The following ZNF516 variants were observed in gnomAD, a reference collection of about 807,000 sequenced individuals.
The protein encoded by ZNF516 is zinc finger protein 516.
In ZNF516, 19 loss-of-function variants were observed where a neutral mutation model predicts 79.7. The observed-to-expected ratio is 0.24, with a 90% CI of 0.17 to 0.35. The LOEUF is 0.35. Among genes scored for constraint, ZNF516 ranks in the 10% least tolerant of loss-of-function variants. The pLI is 1.00. For missense variants in ZNF516, 1,678 were observed against 1,679.5 expected, an observed-to-expected ratio of 1.00 and a Z score of 0.02; for synonymous variants, 877 against 739.5, an observed-to-expected ratio of 1.19 and a Z score of -3.02.
At chr18:76,437,289 G>A (rs1287038829) in intron 3 of ZNF516, among the ~76,000 whole-genome samples, 1 of 152,134 alleles carries the variant, frequency 6.6e-6, no homozygotes, top group African/African-American at 2.4e-5. Flanking sequence ...TACAGCAAAA[G>A]CCTCAGTGCG....
intron 1 of ZNF516, among the ~76,000 whole-genome samples, chr18:76,483,708 C>T (rs1914663344): frequency 6.6e-6 from 1 of 152,172 alleles, no homozygotes; most frequent in South Asian, 2.1e-4. Flanking sequence ...CTATATCCCA[C>T]GTTGGTCACT....
chr18:76,412,598 T>C (rs1400174924), intron 3 of ZNF516, among the ~76,000 whole-genome samples: 1 of 152,118 alleles, frequency 6.6e-6, no homozygotes, highest in Non-Finnish European at 1.5e-5. Flanking sequence ...TGCAATGCAC[T>C]GGGTAATAGA....
At chr18:76,419,851 G>A (rs2075482838) in intron 3 of ZNF516, among the ~76,000 whole-genome samples, 1 of 152,170 alleles carries the variant, frequency 6.6e-6, no homozygotes, top group South Asian at 2.1e-4. Flanking sequence ...ACTAATACAA[G>A]TTCATGAGAA....
At position 76,379,963 on chromosome 18, in the gene ZNF516, T is replaced by C. The variant is rs2074862933; in HGVS notation, c.2151A>G (p.Glu717=). The C allele has an allele frequency of 1.2e-6, 2 of 1,613,956 alleles. No individual in the cohort carries two copies. The highest frequency in any genetic ancestry group is 1.7e-6 in the Non-Finnish European group (2 of 1,179,870). The change falls in exon 4 of 7, where the codon GAA becomes GAG. Residue 717 remains glutamate, a synonymous_variant. Transcript: ENST00000443185. ...AEKLSDLHNK[E]HSGGGKRALA... ...GCGCCCGCTTCCCTCCCCCAGAGTG[T>C]TCCTTGTTGTGCAAATCGGACAGCT...
At chr18:76,450,322 T>G (rs1311114610) in intron 2 of ZNF516, among the ~76,000 whole-genome samples, 1 of 151,962 alleles carries the variant, frequency 6.6e-6, no homozygotes, top group East Asian at 1.9e-4. Context: ...GGTAGGCCTC[T>G]TCCCCTATCT....
chr18:76,461,741 C>T (rs1913122896), intron 2 of ZNF516, among the ~76,000 whole-genome samples: 1 of 152,312 alleles, frequency 6.6e-6, no homozygotes, highest in Non-Finnish European at 1.5e-5. Flanking sequence ...TCAGCAGTAC[C>T]GAAAATATGC....
chr18:76,371,859 G>A (rs879198877), intron 4 of ZNF516, among the ~76,000 whole-genome samples: 4 of 152,200 alleles, frequency 2.6e-5, no homozygotes, highest in East Asian at 1.9e-4. Context: ...GTGCAGCTCC[G>A]AGCAACTGCA....
rs377748478 is a variant in ZNF516 at position 76,467,576 on chromosome 18, G to A, written c.-271-4435C>T. On this transcript the variant is annotated intron_variant, in intron 1 of 6. Coordinates refer to ENST00000443185, the MANE Select transcript of ZNF516 (RefSeq NM_014643.4). The surrounding 1 kb of genome is among the most constrained non-coding windows in gnomAD (Gnocchi z 4.2). Reference sequence around the variant, plus strand: ...TCAGTCAAGGAGGGGACAAGGCTTCGGAGGCTGGTGGTGGGGAGGTCCAAA... The same window carrying A: ...TCAGTCAAGGAGGGGACAAGGCTTCAGAGGCTGGTGGTGGGGAGGTCCAAA... 1.2e-4 allele frequency among the ~76,000 whole-genome samples: 19 copies of A among 152,238 alleles called. No individual in the cohort carries two copies. In the East Asian group the frequency reaches 1.7e-3, roughly 14 times the overall value.
intron 3 of ZNF516, among the ~76,000 whole-genome samples, chr18:76,407,638 TC>T (rs888678878): frequency 6.6e-6 from 1 of 152,074 alleles, no homozygotes; most frequent in African/African-American, 2.4e-5. Context: ...CACTGCCATT[TC>T]CCCCTTAACT....
At chr18:76,478,094 G>A (rs1455386224) in intron 1 of ZNF516, among the ~76,000 whole-genome samples, 1 of 152,148 alleles carries the variant, frequency 6.6e-6, no homozygotes, top group African/African-American at 2.4e-5. Context: ...AACTCTGGTG[G>A]AGAGCAGAAA....
chr18:76,405,808 C>A (rs2075296998), intron 3 of ZNF516, among the ~76,000 whole-genome samples: 1 of 152,044 alleles, frequency 6.6e-6, no homozygotes, highest in Non-Finnish European at 1.5e-5. Context: ...ATGACGGCTG[C>A]CCCTCCCCAT....
intron 3 of ZNF516, among the ~76,000 whole-genome samples, chr18:76,421,525 C>A (rs1409885220): frequency 6.6e-6 from 1 of 152,178 alleles, no homozygotes; most frequent in African/African-American, 2.4e-5. Flanking sequence ...AAGCTGCCAC[C>A]GGGTCCCTCC....
intron 1 of ZNF516, among the ~76,000 whole-genome samples, chr18:76,487,518 G>A (rs192406012): frequency 4.0e-4 from 61 of 152,254 alleles, no homozygotes; most frequent in Non-Finnish European, 7.8e-4. Context: ...AAGAACAGGA[G>A]ACATTCTAAA....
At chr18:76,384,611 C>T (rs1041390861) in intron 3 of ZNF516, among the ~76,000 whole-genome samples, 1 of 149,412 alleles carries the variant, frequency 6.7e-6, no homozygotes, top group Non-Finnish European at 1.5e-5. Context: ...TCCCCCACCC[C>T]CCCTACAGTT....
chr18:76,495,874 T>C (rs893747445), upstream of ZNF516: 14 of 496,936 alleles, frequency 2.8e-5, no homozygotes, highest in Non-Finnish European at 8.7e-6. Context: ...GCAGGATCAA[T>C]ACATTAAGTC....
intron 4 of ZNF516, among the ~76,000 whole-genome samples, chr18:76,374,146 G>A (rs1307729019): frequency 6.6e-6 from 1 of 152,202 alleles, no homozygotes; most frequent in Non-Finnish European, 1.5e-5. Flanking sequence ...ACCACAATAT[G>A]AAGGCCTCCT....
chr18:76,481,887 T>C (rs141388912), intron 1 of ZNF516, among the ~76,000 whole-genome samples: 1,941 of 152,330 alleles, frequency 0.013, 25 homozygotes, highest in Non-Finnish European at 0.022. Flanking sequence ...CTTACTGTCA[T>C]AGTAATTCAA....
At chr18:76,426,960 C>T (rs1290423467) in intron 3 of ZNF516, among the ~76,000 whole-genome samples, 2 of 152,154 alleles carry the variant, frequency 1.3e-5, no homozygotes, top group Admixed American at 6.5e-5. Flanking sequence ...CTTTCCTTTC[C>T]GTATGGACAG....
At chr18:76,420,601 G>C (rs2075493829) in intron 3 of ZNF516, among the ~76,000 whole-genome samples, 1 of 152,100 alleles carries the variant, frequency 6.6e-6, no homozygotes, top group African/African-American at 2.4e-5. Flanking sequence ...AATATTCTAA[G>C]TAGGACAGAT....
Sources: allele counts gnomAD v4.1 joint callset (sites outside exome capture counted in the v4.1 genomes callset), GRCh38; gene constraint gnomAD v4.1.1; non-coding constraint Gnocchi (gnomAD v3.1); transcripts MANE v1.5; gene names NCBI Gene and HGNC (gene_info 2026-07-23, HGNC 2026-07-21).